MS4A4E: variants seen among roughly 807,000 people sequenced by gnomAD.
The protein encoded by MS4A4E is membrane spanning 4-domains A4E.
A neutral mutation model predicts 13.3 loss-of-function variants in MS4A4E; 23 were observed. The ratio of observed to expected loss-of-function variants is 1.73; its 90% CI spans 1.25 to 2.45. The LOEUF (loss-of-function observed/expected upper bound fraction) is 2.45. Among genes scored for constraint, MS4A4E ranks in the 30% most tolerant of loss-of-function variants. The pLI is 0.00. For missense variants in MS4A4E, 144 were observed against 131.2 expected (o/e 1.10, Z -0.48); for synonymous variants, 36 against 45.6 (o/e 0.79, Z 0.85).
chr11:60,224,231 A>G (rs564394097), intron 3 of MS4A4E, among the ~76,000 whole-genome samples: 1 of 152,232 alleles, frequency 6.6e-6, no homozygotes, highest in Non-Finnish European at 1.5e-5. Context: ...TTAAACTTAA[A>G]TTCCAATTCT....
At chr11:60,228,172 GA>G (rs1322853881) in intron 3 of MS4A4E, among the ~76,000 whole-genome samples, 1 of 152,126 alleles carries the variant, frequency 6.6e-6, no homozygotes, top group Admixed American at 6.5e-5. Context: ...CAGACTGACA[GA>G]AGGTATTTGC....
intron 3 of MS4A4E, among the ~76,000 whole-genome samples, chr11:60,216,013 G>C (rs1176518961): frequency 6.6e-6 from 1 of 152,088 alleles, no homozygotes; most frequent in African/African-American, 2.4e-5. Context: ...ACATAAATAG[G>C]AATAGAACTG....
intron 5 of MS4A4E, among the ~76,000 whole-genome samples, chr11:60,212,349 G>A (rs374801910): frequency 1.6e-4 from 22 of 139,872 alleles, no homozygotes; most frequent in African/African-American, 4.6e-4. Context: ...TCACTCTTTC[G>A]CCCAGGCCAG....
At chr11:60,213,961 G>C (rs1201958849) in intron 4 of MS4A4E, among the ~76,000 whole-genome samples, 1 of 151,772 alleles carries the variant, frequency 6.6e-6, no homozygotes, top group Non-Finnish European at 1.5e-5. Flanking sequence ...CTGAAGTGCA[G>C]TGGCACAATC....
intron 1 of MS4A4E, among the ~76,000 whole-genome samples, chr11:60,235,613 T>A (rs1258720663): frequency 6.6e-6 from 1 of 152,218 alleles, no homozygotes; most frequent in South Asian, 2.1e-4. Context: ...AGACTGGATA[T>A]CTTCTATTTA....
At chr11:60,232,332 A>G (rs1410604692) in intron 1 of MS4A4E, among the ~76,000 whole-genome samples, 3 of 81,404 alleles carry the variant, frequency 3.7e-5, no homozygotes, top group African/African-American at 1.4e-4. Flanking sequence ...CCAAAAATGA[A>G]TAAACAACTA....
At chr11:60,234,847 G>A (rs2084462118) in intron 1 of MS4A4E, among the ~76,000 whole-genome samples, 1 of 126,070 alleles carries the variant, frequency 7.9e-6, no homozygotes. Context: ...TAAATATAAA[G>A]GAATTAAATT....
At chr11:60,220,638 G>T (rs918863104) in intron 3 of MS4A4E, among the ~76,000 whole-genome samples, 5 of 152,200 alleles carry the variant, frequency 3.3e-5, no homozygotes, top group African/African-American at 1.2e-4. Context: ...TAAGACATTT[G>T]CATGCCAGAG....
chr11:60,213,046 A>T lies in MS4A4E; in HGVS notation c.309T>A (p.Tyr103Ter). Reference protein sequence around the residue: ...ILINAISLTFYSFRYHYCNHD... With the variant: ...ILINAISLTF The stretch of plus-strand genomic sequence containing the variant: ...GGTTACAGTAATGGTAACGGAATGA[A>T]TAAAACGTCAAGCTTATTGCATTGA... Residue 103 changes from tyrosine to a stop codon, truncating the protein, a stop_gained, in exon 5 of 9, where the codon TAT becomes TAA. Transcript: ENST00000651255. LOFTEE classifies it high-confidence loss of function. The T allele has an allele frequency of 2.1e-6, 1 of 468,364 alleles. No homozygotes were observed. Among genetic ancestry groups the T allele is most frequent in the East Asian group, 3.4e-5 (1 of 29,050 alleles). 29.0% of individuals were successfully genotyped at this position (468,364 alleles called of 1,614,324 possible). A position where few individuals can be genotyped will look rare whatever the true frequency, so the allele number is the denominator to read the frequency against.
chr11:60,231,388 G>A (rs1182201890), intron 1 of MS4A4E, among the ~76,000 whole-genome samples: 1 of 152,020 alleles, frequency 6.6e-6, no homozygotes, highest in Non-Finnish European at 1.5e-5. Flanking sequence ...ATGTAAGAAT[G>A]TAACCAAAAA....
intron 3 of MS4A4E, among the ~76,000 whole-genome samples, chr11:60,218,451 C>T (rs539765770): frequency 4.5e-4 from 68 of 152,266 alleles, no homozygotes; most frequent in South Asian, 8.3e-4. Context: ...CTGGTTTTTG[C>T]AGCTTGTGGG....
rs1011347387 is a variant in MS4A4E at position 60,200,811 on chromosome 11, T to C, written c.*732A>G. On this transcript the variant is annotated 3_prime_UTR_variant, in exon 9 of 9. Coordinates refer to ENST00000651255, the MANE Select transcript of MS4A4E (RefSeq NM_001393391.1). ...GTTCTCAATGAGCTATTGGGTACAC[T>C]TCCCAGATGGGGTGGTGGCCGGGCA... Among the ~76,000 whole-genome samples, 37 of 152,334 alleles carry C rather than the reference T, an allele frequency of 2.4e-4. No homozygotes were observed. In the East Asian group the frequency reaches 3.3e-3, roughly 14 times the overall value.
chr11:60,220,256 A>G (rs549743778), intron 3 of MS4A4E, among the ~76,000 whole-genome samples: 44 of 152,356 alleles, frequency 2.9e-4, no homozygotes, highest in Admixed American at 1.2e-3. Flanking sequence ...ACAGTGGATT[A>G]TCATGAGCTT....
chr11:60,231,597 T>C (rs986502957), intron 1 of MS4A4E, among the ~76,000 whole-genome samples: 4 of 152,104 alleles, frequency 2.6e-5, no homozygotes, highest in African/African-American at 9.7e-5. Context: ...AACAGGACAC[T>C]ATGGTCACAG....
At chr11:60,239,161 C>T (rs532067627) in intron 1 of MS4A4E, among the ~76,000 whole-genome samples, 38 of 152,204 alleles carry the variant, frequency 2.5e-4, no homozygotes, top group Non-Finnish European at 5.0e-4. Context: ...TTAAATTACC[C>T]GGATTTAAAT....
At chr11:60,220,631 GACATTT>G (rs1211066528) in intron 3 of MS4A4E, among the ~76,000 whole-genome samples, 4 of 152,204 alleles carry the variant, frequency 2.6e-5, no homozygotes, top group African/African-American at 9.7e-5. Flanking sequence ...TTATTGGTAA[GACATTT>G]GCATGCCAGA....
intron 1 of MS4A4E, among the ~76,000 whole-genome samples, chr11:60,241,347 C>T (rs1004776632): frequency 4.6e-5 from 7 of 152,148 alleles, no homozygotes; most frequent in Non-Finnish European, 8.8e-5. Flanking sequence ...AAGGGAAACT[C>T]GGCCTCAATC....
At position 60,201,094 on chromosome 11, in the gene MS4A4E, G is replaced by T. The variant is rs551233790; in HGVS notation, c.*449C>A. Among the ~76,000 whole-genome samples, 341 of 141,356 alleles carry T rather than the reference G, an allele frequency of 2.4e-3. 13 individuals are homozygous for T. Among genetic ancestry groups the T allele is most frequent in the Admixed American group, 0.022 (316 of 14,242 alleles). The allele number at this position is 141,356 out of a possible 152,430, so 92.7% of individuals were successfully genotyped here. A position where few individuals can be genotyped will look rare whatever the true frequency, so the allele number is the denominator to read the frequency against. Reference sequence around the variant, plus strand: ...GAACCCCCCACCTCCCTCCCGGACGGGGCGGCTGGCCGGGCGGGGTCTGAC... The same window carrying T: ...GAACCCCCCACCTCCCTCCCGGACGTGGCGGCTGGCCGGGCGGGGTCTGAC... On this transcript the variant is annotated 3_prime_UTR_variant, in exon 9 of 9. Transcript: ENST00000651255.
rs200631468 is a variant in MS4A4E at position 60,225,874 on chromosome 11, A to T, written c.178+2720T>A. ...TCAATGAAATCCAATGCTTTTTTTT[A>T]AAAAAAAGAAAAATACATAAATAAA... is the stretch of plus-strand genomic sequence containing the variant. On this transcript the variant is annotated intron_variant, in intron 3 of 8. Transcript: ENST00000651255. Among the ~76,000 whole-genome samples the T allele has an allele frequency of 3.0e-3, 456 of 151,770 alleles. 1 individual carries two copies. The highest frequency in any genetic ancestry group is 4.5e-3 in the Admixed American group (68 of 15,234).
Sources: gnomAD v4.1 joint callset for allele counts (sites outside exome capture counted in the v4.1 genomes callset) on GRCh38, gnomAD v4.1.1 for gene constraint, MANE v1.5 for transcripts, NCBI Gene and HGNC (gene_info 2026-07-23, HGNC 2026-07-21) for gene names.